The following AGO2 variants were observed in gnomAD, a reference collection of about 807,000 sequenced individuals.
AGO2 encodes the protein argonaute RISC catalytic component 2, also known as protein argonaute-2.
In AGO2, 5 loss-of-function variants were observed where a neutral mutation model predicts 102.3. The observed-to-expected ratio is 0.05, with a 90% confidence interval of 0.03 to 0.10. The LOEUF is 0.10. Ranked by LOEUF, AGO2 falls within the 10% of genes least tolerant of loss-of-function variation. The pLI is 1.00. For missense variants in AGO2, 541 were observed against 1,183.7 expected, an observed-to-expected ratio of 0.46 and a Z score of 7.97; for synonymous variants, 449 against 473.1, an observed-to-expected ratio of 0.95 and a Z score of 0.66.
In AGO2 at chr8:140,589,434, G is replaced by A. The variant is rs1442832916; in HGVS notation, c.23-4123C>T. 6.6e-6 allele frequency among the ~76,000 whole-genome samples: 1 copy of A among 151,742 alleles called. No homozygotes were observed. Among genetic ancestry groups the A allele is most frequent in the Non-Finnish European group, 1.5e-5 (1 of 67,874 alleles). On this transcript the variant is annotated intron_variant, in intron 1 of 18. Transcript: ENST00000220592. This position sits in a 1 kb window ranked among gnomAD's most constrained non-coding sequence, Gnocchi z 4.2. ...TGGGTGGCAGCCTCGCTGTGAGGCT[G>A]GCACAGGGGCCCAGGGCTGTCTCCT...
chr8:140,563,272 C>T (rs907768179), intron 3 of AGO2, among the ~76,000 whole-genome samples: 1 of 152,144 alleles, frequency 6.6e-6, no homozygotes, highest in African/African-American at 2.4e-5. Context: ...TCACTGTGGC[C>T]CAGGCTGGAG....
intron 3 of AGO2, among the ~76,000 whole-genome samples, chr8:140,564,907 G>A (rs550627735): frequency 3.3e-5 from 5 of 152,126 alleles, no homozygotes; most frequent in Non-Finnish European, 4.4e-5. Context: ...AGGCCAAGGC[G>A]GGTGGATCAC....
chr8:140,574,850 G>T lies in AGO2; in HGVS notation c.216-1918C>A, dbSNP rs114844398. On this transcript the variant is annotated intron_variant, in intron 2 of 18. Transcript: ENST00000220592. ...GGGAGGTGGGATTGGAGCGTGGCTA[G>T]AATGGTCTTTCTCTTGGGCAGAGCC... 7.7e-3 allele frequency among the ~76,000 whole-genome samples: 1,166 copies of T among 152,302 alleles called. 17 individuals are homozygous for T. The highest frequency in any genetic ancestry group is 0.026 in the African/African-American group (1,100 of 41,570).
chr8:140,537,944 G>A (rs1175560480), intron 16 of AGO2, among the ~76,000 whole-genome samples: 3 of 152,024 alleles, frequency 2.0e-5, no homozygotes, highest in South Asian at 4.1e-4. Flanking sequence ...TCAGCCTCCC[G>A]AGTACCTGGG....
At chr8:140,534,123 C>T (rs967793859) in intron 17 of AGO2, among the ~76,000 whole-genome samples, 43 of 152,196 alleles carry the variant, frequency 2.8e-4, no homozygotes, top group African/African-American at 8.7e-4. Flanking sequence ...GATGCTCCAC[C>T]GCACATGCTC....
In AGO2 at chr8:140,555,769, C is replaced by T. The variant is rs539119943; in HGVS notation, c.1269+127G>A. On this transcript the variant is annotated intron_variant, in intron 10 of 18. Transcript: ENST00000220592. ...ATCTCACGTCTTTTACAGGCTCAGC[C>T]GGGAGTAGAAAGGATTCTCCTGCAT... is the stretch of plus-strand genomic sequence containing the variant. The T allele has an allele frequency of 1.6e-5, 22 of 1,335,946 alleles. No homozygotes were observed. In the South Asian group the frequency reaches 2.3e-4, roughly 14 times the overall value. The allele number at this position is 1,335,946 out of a possible 1,614,324, so 82.8% of individuals were successfully genotyped here. A position where few individuals can be genotyped will look rare whatever the true frequency, so the allele number is the denominator to read the frequency against.
Position 140,529,970 on chromosome 8 carries a change from T to C in AGO2, c.*2074A>G, listed in dbSNP as rs1402366169. 1 of 152,200 alleles carries C rather than the reference T, an allele frequency of 6.6e-6. No individual in the cohort carries two copies. Among genetic ancestry groups the C allele is most frequent in the East Asian group, 1.9e-4 (1 of 5,202 alleles). The allele number at this position is 152,200 out of a possible 1,614,324, so 9.4% of individuals were successfully genotyped here. A position where few individuals can be genotyped will look rare whatever the true frequency, so the allele number is the denominator to read the frequency against. On this transcript the variant is annotated 3_prime_UTR_variant, in exon 19 of 19. Transcript: ENST00000220592. ...TCCCTCCTTAGCTTGAATGCATCCATTAATTTAAGCTACGAGCATGTCTGT... is the reference window on the plus strand; with the variant it reads ...TCCCTCCTTAGCTTGAATGCATCCACTAATTTAAGCTACGAGCATGTCTGT...
chr8:140,595,230 T>C (rs368464629), intron 1 of AGO2, among the ~76,000 whole-genome samples: 208 of 152,300 alleles, frequency 1.4e-3, no homozygotes, highest in African/African-American at 4.0e-3. Flanking sequence ...TGCTTCTCCA[T>C]TGATCACACG....
intron 1 of AGO2, among the ~76,000 whole-genome samples, chr8:140,612,387 G>A (rs536676115): frequency 2.0e-5 from 3 of 152,280 alleles, no homozygotes; most frequent in South Asian, 2.1e-4. Context: ...GGTGCATGAT[G>A]GACAAAACAC....
At chr8:140,553,397 G>GTTTTTTTTTTTTTTTTTTT (rs1247887588) in intron 10 of AGO2, among the ~76,000 whole-genome samples, 1 of 129,682 alleles carries the variant, frequency 7.7e-6, no homozygotes. Flanking sequence ...CAAGTTACAA[G>GTTTTTTTTTTTTTTTTTTT]TTTTTTGTTT....
chr8:140,551,152 C>T (rs1025670992), intron 11 of AGO2, 151 bp downstream of exon 11: 16 of 971,486 alleles, frequency 1.6e-5, no homozygotes, highest in Admixed American at 3.0e-5. Flanking sequence ...GCCAATGGTA[C>T]GTGACAGGGA....
Position 140,531,753 on chromosome 8 carries a change from G to C in AGO2, c.*291C>G, listed in dbSNP as rs1313763852. Reference sequence around the variant, plus strand: ...AATGTTTTAAAGCCCTGAGTTCATAGACTGGTTTTAGGAGATTTTTAGGAC... The same window carrying C: ...AATGTTTTAAAGCCCTGAGTTCATACACTGGTTTTAGGAGATTTTTAGGAC... On this transcript the variant is annotated 3_prime_UTR_variant, in exon 19 of 19. Coordinates refer to ENST00000220592, the MANE Select transcript of AGO2 (RefSeq NM_012154.5). 1 of 276,096 alleles carries C rather than the reference G, an allele frequency of 3.6e-6. No individual in the cohort carries two copies. The highest frequency in any genetic ancestry group is 2.2e-5 in the African/African-American group (1 of 45,776). The allele number at this position is 276,096 out of a possible 1,614,324, so 17.1% of individuals were successfully genotyped here.
chr8:140,635,115 G>C (rs1471445466), intron 1 of AGO2, among the ~76,000 whole-genome samples: 1 of 146,830 alleles, frequency 6.8e-6, no homozygotes. Flanking sequence ...TCCGGGCCTC[G>C]GGCCTACACG....
rs368757565 is a variant in AGO2 at position 140,520,884 on chromosome 8, T to C, written c.*11160A>G. On this transcript the variant is annotated 3_prime_UTR_variant, in exon 19 of 19. Transcript: ENST00000220592. ...ATTTGGCTAAAGTATTATTCTAATA[T>C]AGGGCAACCTTCGAGCCAGATATTG... The C allele has an allele frequency of 1.9e-3, 283 of 152,350 alleles. 1 individual carries two copies. The highest frequency in any genetic ancestry group is 6.3e-3 in the African/African-American group (262 of 41,588). 9.4% of individuals were successfully genotyped at this position (152,350 alleles called of 1,614,324 possible). A position where few individuals can be genotyped will look rare whatever the true frequency, so the allele number is the denominator to read the frequency against.
chr8:140,544,399 A>G, intron 13 of AGO2, 96 bp from the exon 14 acceptor site: 1 of 954,804 alleles, frequency 1.0e-6, no homozygotes, highest in Non-Finnish European at 1.6e-6. Context: ...TGGTCAGTGT[A>G]TCATGGTAAT....
chr8:140,532,848 T>C (rs989592324), intron 17 of AGO2: 1 of 453,102 alleles, frequency 2.2e-6, no homozygotes, highest in Non-Finnish European at 4.0e-6. Context: ...TACAAAAAAA[T>C]TAGCTAGACA....
intron 1 of AGO2, among the ~76,000 whole-genome samples, chr8:140,628,545 C>T (rs1287744356): frequency 4.6e-5 from 7 of 152,212 alleles, no homozygotes. Context: ...TGGCTCACAC[C>T]TGTAATCCCA....
At chr8:140,582,153 T>C (rs1003646742) in intron 2 of AGO2, among the ~76,000 whole-genome samples, 5 of 152,202 alleles carry the variant, frequency 3.3e-5, no homozygotes, top group African/African-American at 1.2e-4. Flanking sequence ...GCTAAAACAA[T>C]TGTAAAGAAC....
chr8:140,555,297 T>C (rs2977483), intron 10 of AGO2: 96,601 of 152,202 alleles, frequency 0.63, 32,301 homozygotes, highest in African/African-American at 0.86. Flanking sequence ...GGGCTCAGTG[T>C]TCAGGACACC....
Sources: allele counts gnomAD v4.1 joint callset (sites outside exome capture counted in the v4.1 genomes callset), GRCh38; gene constraint gnomAD v4.1.1; non-coding constraint Gnocchi (gnomAD v3.1); transcripts MANE v1.5; gene names NCBI Gene and HGNC (gene_info 2026-07-23, HGNC 2026-07-21).